The following CACNA2D3 variants were observed in gnomAD, a reference collection of about 807,000 sequenced individuals.
CACNA2D3 encodes the protein calcium voltage-gated channel auxiliary subunit alpha2delta 3.
A neutral mutation model predicts 160.6 loss-of-function variants in CACNA2D3; 60 were observed. The ratio of observed to expected loss-of-function variants is 0.37; its 90% confidence interval spans 0.30 to 0.46. The LOEUF is 0.46. Among genes scored for constraint, CACNA2D3 ranks in the 20% least tolerant of loss-of-function variants. CACNA2D3 has a pLI of 1.00. For synonymous variants in CACNA2D3, 558 were observed against 492.9 expected (o/e 1.13, Z -1.75); for missense variants, 1,205 against 1,365.0 (o/e 0.88, Z 1.85).
intron 13 of CACNA2D3, among the ~76,000 whole-genome samples, chr3:54,815,695 A>G (rs1220045557): frequency 6.6e-6 from 1 of 152,122 alleles, no homozygotes; most frequent in African/African-American, 2.4e-5. Flanking sequence ...TATCTATGGG[A>G]CGTTGTATAA....
chr3:54,488,622 G>A lies in CACNA2D3; in HGVS notation c.382-14870G>A, dbSNP rs576069378. Among the ~76,000 whole-genome samples, 7 of 152,126 alleles carry A rather than the reference G, an allele frequency of 4.6e-5. No homozygotes were observed. In the South Asian group the frequency reaches 6.2e-4, roughly 14 times the overall value. ...AGCTCCTGCCGTGTCCTCAGGCCAC[G>A]GTAGGACATTGCTGAGGTGGGACAC... On this transcript the variant is annotated intron_variant, in intron 4 of 37. Transcript: ENST00000474759.
intron 4 of CACNA2D3, among the ~76,000 whole-genome samples, chr3:54,404,150 C>T (rs1012850687): frequency 6.6e-6 from 1 of 152,186 alleles, no homozygotes; most frequent in Non-Finnish European, 1.5e-5. Context: ...AAGCCAGCAT[C>T]ACCTTGGTAC....
chr3:54,571,425 G>A (rs1231687373), intron 8 of CACNA2D3, among the ~76,000 whole-genome samples: 1 of 152,074 alleles, frequency 6.6e-6, no homozygotes, highest in Middle Eastern at 3.2e-3. Flanking sequence ...TGTAGAGGAG[G>A]AAGTCCATTC....
rs140433322 is a variant in CACNA2D3, at chr3:54,268,199, C to G, written c.205-52243C>G. ...CAAATTTTTAATGGGAAAGAAGCTA[C>G]TGCTCACGTGAAAGAACTGCTTGTC... On this transcript the variant is annotated intron_variant, in intron 2 of 37. Transcript: ENST00000474759. Among the ~76,000 whole-genome samples, 60 of 152,238 alleles carry G rather than the reference C, an allele frequency of 3.9e-4. 1 individual carries two copies. Among genetic ancestry groups the G allele is most frequent in the African/African-American group, 1.4e-3 (59 of 41,536 alleles).
intron 2 of CACNA2D3, among the ~76,000 whole-genome samples, chr3:54,268,080 G>C (rs1575355592): frequency 6.6e-6 from 1 of 152,194 alleles, no homozygotes; most frequent in Non-Finnish European, 1.5e-5. Flanking sequence ...TTCAGAATCA[G>C]AACAGTGTGC....
intron 11 of CACNA2D3, among the ~76,000 whole-genome samples, chr3:54,712,122 A>G (rs780222019): frequency 3.9e-5 from 6 of 152,222 alleles, no homozygotes; most frequent in Admixed American, 1.3e-4. Flanking sequence ...AAAGCTCTCA[A>G]TGCCAGTTTC....
At chr3:54,848,772 A>C (rs1357007984) in intron 17 of CACNA2D3, among the ~76,000 whole-genome samples, 1 of 152,190 alleles carries the variant, frequency 6.6e-6, no homozygotes, top group Admixed American at 6.5e-5. Context: ...ACACTATGTG[A>C]CTTTGGGCAA....
chr3:54,122,952 C>A, intron 1 of CACNA2D3, 117 bp downstream of exon 1: 1 of 985,322 alleles, frequency 1.0e-6, no homozygotes, highest in South Asian at 5.1e-5. Context: ...GCGTCGGCCT[C>A]GCCGCTCGCA....
intron 5 of CACNA2D3, among the ~76,000 whole-genome samples, chr3:54,558,115 G>A (rs1702267383): frequency 6.6e-6 from 1 of 152,164 alleles, no homozygotes; most frequent in South Asian, 2.1e-4. Context: ...CTCGTAAGTG[G>A]ACCTGACTTA....
chr3:54,605,605 A>C (rs1698589623), intron 9 of CACNA2D3, among the ~76,000 whole-genome samples: 1 of 151,854 alleles, frequency 6.6e-6, no homozygotes, highest in African/African-American at 2.4e-5. Flanking sequence ...TTGTTACGCT[A>C]TTTTACCTTA....
intron 4 of CACNA2D3, among the ~76,000 whole-genome samples, chr3:54,497,837 T>C (rs1407944035): frequency 5.3e-5 from 8 of 151,984 alleles, no homozygotes; most frequent in Non-Finnish European, 1.2e-4. Context: ...ACATGCTTTT[T>C]CTTTATCTAT....
At chr3:54,296,122 G>T (rs1287201403) in intron 2 of CACNA2D3, among the ~76,000 whole-genome samples, 1 of 152,184 alleles carries the variant, frequency 6.6e-6, no homozygotes, top group African/African-American at 2.4e-5. Context: ...TTTATGGAGG[G>T]AGGACTGGAC....
At chr3:54,315,145 A>G (rs2107502847) in intron 2 of CACNA2D3, among the ~76,000 whole-genome samples, 1 of 152,286 alleles carries the variant, frequency 6.6e-6, no homozygotes, top group Non-Finnish European at 1.5e-5. Context: ...ACTTTAGGGA[A>G]CAGAAGCCAG....
At chr3:54,653,238 G>T (rs73068458) in intron 11 of CACNA2D3, among the ~76,000 whole-genome samples, 9,105 of 152,262 alleles carry the variant, frequency 0.06, 345 homozygotes, top group Non-Finnish European at 0.088. Flanking sequence ...AGGGTGGGGA[G>T]TGTAGGTAGT....
chr3:54,822,813 T>TTTCTC (rs1703661489), intron 14 of CACNA2D3, among the ~76,000 whole-genome samples: 1 of 124,896 alleles, frequency 8.0e-6, no homozygotes, highest in African/African-American at 3.7e-5. Flanking sequence ...CTTTCTTTCT[T>TTTCTC]TCTTTCTTTC....
chr3:54,741,886 T>A lies in CACNA2D3; in HGVS notation c.1168-10713T>A, dbSNP rs113854017. 7.1e-3 allele frequency among the ~76,000 whole-genome samples: 1,078 copies of A among 151,824 alleles called. 15 individuals carry two copies. Among genetic ancestry groups the A allele is most frequent in the African/African-American group, 0.019 (806 of 41,392 alleles). ...TATAAATTTATTTTATTTTTTAATTTATTTATTTTTTTTTTGAGACAAGGT... is the reference window on the plus strand; with the variant it reads ...TATAAATTTATTTTATTTTTTAATTAATTTATTTTTTTTTTGAGACAAGGT... On this transcript the variant is annotated intron_variant, in intron 11 of 37. Transcript: ENST00000474759.
intron 11 of CACNA2D3, among the ~76,000 whole-genome samples, chr3:54,703,133 C>T (rs1700796103): frequency 6.6e-6 from 1 of 152,072 alleles, no homozygotes; most frequent in Non-Finnish European, 1.5e-5. Flanking sequence ...TGGTATTGTG[C>T]TCACTACTTG....
chr3:54,170,173 G>A (rs1481939533), intron 2 of CACNA2D3, among the ~76,000 whole-genome samples: 1 of 146,400 alleles, frequency 6.8e-6, no homozygotes, highest in Non-Finnish European at 1.5e-5. Flanking sequence ...CTGGGTGATA[G>A]AGTGAGCCTC....
Position 54,122,649 on chromosome 3 carries a change from C to G in CACNA2D3, c.-65C>G, listed in dbSNP as rs1344397974. ...GCCCCGCGCGCTCGCCCACCGCCCG[C>G]TCCGCGCAGCTCCCCGCGGCCGCTC... On this transcript the variant is annotated 5_prime_UTR_variant, in exon 1 of 38. Coordinates refer to ENST00000474759, the MANE Select transcript of CACNA2D3 (RefSeq NM_018398.3). 4 of 988,916 alleles carry G rather than the reference C, an allele frequency of 4.0e-6. No individual in the cohort carries two copies. Among genetic ancestry groups the G allele is most frequent in the Non-Finnish European group, 3.6e-6 (3 of 832,970 alleles). The allele number at this position is 988,916 out of a possible 1,614,324, so 61.3% of individuals were successfully genotyped here.
Sources: gnomAD v4.1 joint callset for allele counts (sites outside exome capture counted in the v4.1 genomes callset) on GRCh38, gnomAD v4.1.1 for gene constraint, MANE v1.5 for transcripts, NCBI Gene and HGNC (gene_info 2026-07-23, HGNC 2026-07-21) for gene names.